DOCK1: variants seen among roughly 807,000 people sequenced by gnomAD.
DOCK1 encodes the protein dedicator of cytokinesis 1.
Under a neutral mutation model 262.7 loss-of-function variants are expected in DOCK1, and 138 were observed. The observed-to-expected ratio is 0.53, with a 90% CI of 0.46 to 0.61. The LOEUF (loss-of-function observed/expected upper bound fraction) is 0.61, where lower values mean the gene tolerates loss of function less well. Among genes scored for constraint, DOCK1 ranks in the 20% least tolerant of loss-of-function variants. DOCK1 has a pLI of 0.00. For missense variants in DOCK1, 1,908 were observed against 2,370.7 expected (o/e 0.80, Z 4.05); for synonymous variants, 866 against 867.4 (o/e 1.00, Z 0.03).
intron 27 of DOCK1, among the ~76,000 whole-genome samples, chr10:127,177,606 C>T (rs1391954513): frequency 6.6e-6 from 1 of 152,172 alleles, no homozygotes; most frequent in Non-Finnish European, 1.5e-5. Flanking sequence ...GGACATGGGC[C>T]CGTGAGAGCT....
chr10:127,347,093 C>T (rs1477526768), intron 31 of DOCK1, among the ~76,000 whole-genome samples: 1 of 152,254 alleles, frequency 6.6e-6, no homozygotes, highest in East Asian at 1.9e-4. Context: ...AGTCCATTTG[C>T]AAATTTTATT....
At chr10:127,097,405 T>C in intron 23 of DOCK1, among the ~76,000 whole-genome samples, 1 of 152,222 alleles carries the variant, frequency 6.6e-6, no homozygotes, top group Middle Eastern at 3.2e-3. Flanking sequence ...TGGCTGTGAT[T>C]CTCTCTGATT....
intron 23 of DOCK1, among the ~76,000 whole-genome samples, chr10:127,082,806 C>CCGAT (rs1394282230): frequency 6.6e-6 from 1 of 152,134 alleles, no homozygotes; most frequent in Non-Finnish European, 1.5e-5. Flanking sequence ...CCTGGGGAGC[C>CCGAT]CGATTCCCTC....
At chr10:127,121,453 A>ATGTGTGTGTG (rs755217555) in intron 25 of DOCK1, among the ~76,000 whole-genome samples, 10 of 25,736 alleles carry the variant, frequency 3.9e-4, no homozygotes, top group African/African-American at 7.7e-4. Context: ...GGGTATATGT[A>ATGTGTGTGTG]TATGTGTGTG....
At chr10:126,909,588 A>G (rs933888207) in intron 1 of DOCK1, among the ~76,000 whole-genome samples, 1 of 152,178 alleles carries the variant, frequency 6.6e-6, no homozygotes, top group Non-Finnish European at 1.5e-5. Context: ...GGCCACTTCC[A>G]AGTGCAGCTC....
At chr10:127,406,501 G>C (rs531737045) in intron 40 of DOCK1, among the ~76,000 whole-genome samples, 21 of 152,334 alleles carry the variant, frequency 1.4e-4, no homozygotes, top group African/African-American at 5.1e-4. Context: ...ACACTTCACA[G>C]ATGAGCTGGC....
chr10:127,318,156 AT>A, intron 29 of DOCK1, among the ~76,000 whole-genome samples: 1 of 152,290 alleles, frequency 6.6e-6, no homozygotes, highest in African/African-American at 2.4e-5. Context: ...CTTCTGGATT[AT>A]TTTCGTTGCA....
chr10:126,954,194 A>G (rs2036552522), intron 1 of DOCK1, among the ~76,000 whole-genome samples: 1 of 152,238 alleles, frequency 6.6e-6, no homozygotes, highest in Non-Finnish European at 1.5e-5. Flanking sequence ...GTCAATTGAA[A>G]TGACTATTAA....
chr10:127,360,353 CA>C (rs2064352570), intron 32 of DOCK1, among the ~76,000 whole-genome samples: 1 of 146,038 alleles, frequency 6.8e-6, no homozygotes, highest in Non-Finnish European at 1.5e-5. Context: ...GCGGCCAACC[CA>C]CAACTAGCAG....
At chr10:127,314,993 G>T (rs1033365208) in intron 29 of DOCK1, among the ~76,000 whole-genome samples, 2 of 152,204 alleles carry the variant, frequency 1.3e-5, no homozygotes, top group African/African-American at 4.8e-5. Flanking sequence ...CACGGAGCAG[G>T]GGAGTGCCTG....
intron 44 of DOCK1, 59 bp downstream of exon 44, chr10:127,415,297 AC>A (rs1294597705): frequency 1.9e-6 from 3 of 1,539,396 alleles, no homozygotes; most frequent in East Asian, 4.6e-5. Context: ...ACAGTCTGCC[AC>A]GCCTTCTTCA....
intron 29 of DOCK1, among the ~76,000 whole-genome samples, chr10:127,302,138 T>A (rs2061703343): frequency 6.6e-6 from 1 of 151,874 alleles, no homozygotes; most frequent in African/African-American, 2.4e-5. Context: ...TTCCACAGCC[T>A]GTGTTTCCTG....
intron 38 of DOCK1, among the ~76,000 whole-genome samples, chr10:127,400,350 G>T (rs915296262): frequency 1.3e-5 from 2 of 152,220 alleles, no homozygotes; most frequent in Admixed American, 6.5e-5. Flanking sequence ...GTGAGCGGGT[G>T]GGGGCTCAGT....
intron 10 of DOCK1, 126 bp downstream of exon 10, chr10:127,000,433 A>G (rs981377320): frequency 3.7e-6 from 5 of 1,347,104 alleles, no homozygotes; most frequent in Non-Finnish European, 5.0e-6. Flanking sequence ...CTGGAGAGAA[A>G]AAATATATTT....
At chr10:126,970,626 A>C (rs2038029191) in intron 1 of DOCK1, 76 bp from the exon 2 acceptor site, 1 of 1,183,452 alleles carries the variant, frequency 8.4e-7, no homozygotes, top group African/African-American at 1.5e-5. Flanking sequence ...AACAACATTA[A>C]AACAAGCCAA....
intron 28 of DOCK1, among the ~76,000 whole-genome samples, chr10:127,248,332 A>G (rs960357524): frequency 6.6e-6 from 1 of 152,174 alleles, no homozygotes; most frequent in South Asian, 2.1e-4. Context: ...AGAATGACTC[A>G]GGGGCTGAGC....
intron 23 of DOCK1, among the ~76,000 whole-genome samples, chr10:127,079,531 TAAA>T (rs35290110): frequency 6.6e-6 from 1 of 152,080 alleles, no homozygotes; most frequent in East Asian, 1.9e-4. Flanking sequence ...GACAGACTAA[TAAA>T]AAAATCTGTT....
intron 31 of DOCK1, among the ~76,000 whole-genome samples, chr10:127,346,885 G>A (rs1376449678): frequency 6.6e-6 from 1 of 152,192 alleles, no homozygotes; most frequent in Non-Finnish European, 1.5e-5. Context: ...ACAGCCTCAG[G>A]GCTTTGTGCT....
At chr10:127,401,296 A>G (rs114157472) in intron 38 of DOCK1, among the ~76,000 whole-genome samples, 379 of 152,290 alleles carry the variant, frequency 2.5e-3, no homozygotes, top group African/African-American at 8.8e-3. Context: ...CTCTGCAGCA[A>G]CCTCAGTTCT....
Sources: gnomAD v4.1 joint callset for allele counts (sites outside exome capture counted in the v4.1 genomes callset) on GRCh38, gnomAD v4.1.1 for gene constraint, MANE v1.5 for transcripts, NCBI Gene and HGNC (gene_info 2026-07-23, HGNC 2026-07-21) for gene names.